Variants in OLFM1 observed in about 807,000 individuals in gnomAD.
The protein encoded by OLFM1 is noelin.
A neutral mutation model predicts 49.7 loss-of-function variants in OLFM1; 9 were observed. That is an observed-to-expected ratio of 0.18 (90% CI 0.11 to 0.32). OLFM1 has a LOEUF of 0.32. Among genes scored for constraint, OLFM1 ranks in the 10% least tolerant of loss-of-function variants. The pLI is 1.00. For missense variants in OLFM1, 369 were observed against 661.8 expected (o/e 0.56, Z 4.85); for synonymous variants, 240 against 271.8 (o/e 0.88, Z 1.15).
intron 5 of OLFM1, among the ~76,000 whole-genome samples, chr9:135,107,875 CTT>C (rs1297410484): frequency 7.9e-5 from 12 of 152,294 alleles, no homozygotes; most frequent in Admixed American, 7.8e-4. Flanking sequence ...TTTCTGATCT[CTT>C]TGCCTCCCTC....
At chr9:135,112,961 A>G (rs2382980) in intron 5 of OLFM1, among the ~76,000 whole-genome samples, 32,320 of 152,104 alleles carry the variant, frequency 0.21, 3,565 homozygotes, top group Middle Eastern at 0.29. Context: ...GATGGAAGCC[A>G]CTTTGTGGCG....
chr9:135,086,692 C>T (rs1442275702), upstream of OLFM1: 1 of 455,954 alleles, frequency 2.2e-6, no homozygotes, highest in Non-Finnish European at 4.4e-6. Context: ...TTGACCCAGT[C>T]AGGCCTGCGC....
Position 135,091,604 on chromosome 9 carries a change from CAT to C in OLFM1, c.300+1262_300+1263del, listed in dbSNP as rs755627449. The stretch of plus-strand genomic sequence containing the variant: ...ACACACTCACAGTCACACACTCACA[CAT>C]AGTCACACAGTCACACACACTCACA... On this transcript the variant is annotated intron_variant, in intron 2 of 5. Transcript: ENST00000371793. Among the ~76,000 whole-genome samples, 448 of 150,816 alleles carry C rather than the reference CAT, an allele frequency of 3.0e-3. 8 individuals carry two copies. Among genetic ancestry groups the C allele is most frequent in the Non-Finnish European group, 4.3e-3 (292 of 67,728 alleles).
intron 4 of OLFM1, among the ~76,000 whole-genome samples, chr9:135,099,825 C>T (rs1308206723): frequency 6.6e-6 from 1 of 152,170 alleles, no homozygotes; most frequent in Non-Finnish European, 1.5e-5. Flanking sequence ...GGGGTCTGGG[C>T]CAGATGGCCT....
At chr9:135,095,734 A>G (rs1257668316) in intron 2 of OLFM1, 130 bp from the exon 3 acceptor site, 1 of 909,366 alleles carries the variant, frequency 1.1e-6, no homozygotes, top group Non-Finnish European at 1.7e-6. Context: ...CCTTGTAAAT[A>G]ATGCATGGGC....
At chr9:135,112,360 GTTCTCTCTGGTCTCCCC>G (rs151051042) in intron 5 of OLFM1, among the ~76,000 whole-genome samples, 32,282 of 152,176 alleles carry the variant, frequency 0.21, 3,545 homozygotes, top group Middle Eastern at 0.29. Context: ...TTCCCAGAAT[GTTCTCTCTGGTCTCCCC>G]TTCCTATGCC....
At chr9:135,101,461 A>G (rs1364607977) in intron 4 of OLFM1, among the ~76,000 whole-genome samples, 1 of 152,250 alleles carries the variant, frequency 6.6e-6, no homozygotes, top group African/African-American at 2.4e-5. Context: ...ACTCAGAAAC[A>G]GAGAAAACAA....
intron 5 of OLFM1, among the ~76,000 whole-genome samples, chr9:135,112,007 G>A (rs767670762): frequency 1.1e-4 from 17 of 152,264 alleles, no homozygotes; most frequent in South Asian, 4.1e-4. Flanking sequence ...GAGCCACCAC[G>A]CCCAGCCAGG....
chr9:135,085,272 C>T (rs185764145), upstream of OLFM1, among the ~76,000 whole-genome samples: 13 of 152,340 alleles, frequency 8.5e-5, no homozygotes, highest in Admixed American at 7.8e-4. Flanking sequence ...CTTCTGGCGG[C>T]CTCTGTGGCT....
intron 5 of OLFM1, among the ~76,000 whole-genome samples, chr9:135,115,453 C>T (rs1188294785): frequency 5.9e-5 from 9 of 152,338 alleles, no homozygotes; most frequent in Non-Finnish European, 8.8e-5. Flanking sequence ...GATAAGTGGA[C>T]GGAGGGAAAT....
Position 135,076,189 on chromosome 9 carries a change from G to A in OLFM1, c.96+387G>A, listed in dbSNP as rs984635730. ...GACCCCAGGCATTTTCAGAGGTGGCGGGACCTTAGTCCTACCCCCAACACA... is the reference window on the plus strand; with the variant it reads ...GACCCCAGGCATTTTCAGAGGTGGCAGGACCTTAGTCCTACCCCCAACACA... On this transcript the variant is annotated intron_variant, in intron 1 of 5. Coordinates refer to the OLFM1 transcript ENST00000252854. The A allele has an allele frequency of 2.6e-5, 40 of 1,550,472 alleles. No homozygotes were observed. In the East Asian group the frequency reaches 8.3e-4, roughly 32 times the overall value.
chr9:135,111,834 C>T (rs763786997), intron 5 of OLFM1, among the ~76,000 whole-genome samples: 1 of 152,190 alleles, frequency 6.6e-6, no homozygotes, highest in Non-Finnish European at 1.5e-5. Context: ...CTCAGCCTCC[C>T]GAGTAGCTGG....
intron 5 of OLFM1, among the ~76,000 whole-genome samples, chr9:135,114,278 G>A (rs1831065771): frequency 1.3e-5 from 2 of 151,608 alleles, no homozygotes; most frequent in South Asian, 4.2e-4. Flanking sequence ...GTGCCACCAT[G>A]TCCAGCTAAT....
chr9:135,091,769 TCACACA>T (rs749011628), intron 2 of OLFM1, among the ~76,000 whole-genome samples: 5 of 33,206 alleles, frequency 1.5e-4, no homozygotes, highest in Non-Finnish European at 1.3e-4. Context: ...ACTCACACAG[TCACACA>T]CACACTCACA....
chr9:135,091,518 CACAT>C (rs1386849587), intron 2 of OLFM1, among the ~76,000 whole-genome samples: 11 of 142,312 alleles, frequency 7.7e-5, no homozygotes, highest in African/African-American at 2.6e-4. Flanking sequence ...GTCTCACACA[CACAT>C]AGTCACACAG....
In OLFM1 at chr9:135,113,181, C is replaced by G. The variant is rs918291809; in HGVS notation, c.784-6323C>G. 7.9e-5 allele frequency among the ~76,000 whole-genome samples: 12 copies of G among 152,116 alleles called. No individual in the cohort carries two copies. The highest frequency in any genetic ancestry group is 1.5e-4 in the Non-Finnish European group (10 of 68,018). On this transcript the variant is annotated intron_variant, in intron 5 of 5. Transcript: ENST00000371793. This position sits in a 1 kb window ranked among gnomAD's most constrained non-coding sequence, Gnocchi z 4.0. ...GAAGTGGGGATTTGGGGACGGGGTC[C>G]CTAAGCCTCTGTGACTCTGTGGAGG...
Position 135,076,019 on chromosome 9 carries a change from C to T in OLFM1, c.96+217C>T, listed in dbSNP as rs544520773. On this transcript the variant is annotated intron_variant, in intron 1 of 5. Coordinates refer to the OLFM1 transcript ENST00000252854. ...ACCGGAGACGGCGCTCCTCCAGCCC[C>T]GGCTCAGCAGAGCTGACAGCTGCCC... 4.8e-3 allele frequency: 6,924 copies of T among 1,445,402 alleles called. 28 individuals carry two copies. Among genetic ancestry groups the T allele is most frequent in the Non-Finnish European group, 5.8e-3 (6,424 of 1,098,828 alleles). The allele number at this position is 1,445,402 out of a possible 1,614,324, so 89.5% of individuals were successfully genotyped here. A position where few individuals can be genotyped will look rare whatever the true frequency, so the allele number is the denominator to read the frequency against.
At chr9:135,103,613 C>T (rs900896045) in intron 4 of OLFM1, among the ~76,000 whole-genome samples, 8 of 152,304 alleles carry the variant, frequency 5.3e-5, no homozygotes, top group South Asian at 2.1e-4. Flanking sequence ...CCTTGGCCCA[C>T]GGCAGGGTGG....
At chr9:135,102,310 C>A (rs1426435115) in intron 4 of OLFM1, among the ~76,000 whole-genome samples, 1 of 152,216 alleles carries the variant, frequency 6.6e-6, no homozygotes, top group Non-Finnish European at 1.5e-5. Context: ...TTCTCCTGCC[C>A]CCGGCCCTGA....
Sources: gnomAD v4.1 joint callset for allele counts (sites outside exome capture counted in the v4.1 genomes callset) on GRCh38, gnomAD v4.1.1 for gene constraint, Gnocchi (gnomAD v3.1) non-coding constraint, MANE v1.5 for transcripts, NCBI Gene and HGNC (gene_info 2026-07-23, HGNC 2026-07-21) for gene names.